Variants in IFT46 observed in about 807,000 individuals in gnomAD.
IFT46 encodes the protein intraflagellar transport protein 46 homolog.
IFT46 carries 19 observed loss-of-function variants against 39.6 expected under a neutral mutation model. That is an observed-to-expected ratio of 0.48 (90% CI 0.33 to 0.70). IFT46 has a LOEUF of 0.70. IFT46 is among the 30% of genes least tolerant of loss of function. The probability of loss-of-function intolerance (pLI) is 0.01; values close to 1 mark genes in which losing one functional copy is unlikely to be tolerated. For synonymous variants in IFT46, 117 were observed against 134.8 expected, an observed-to-expected ratio of 0.87 and a Z score of 0.91; for missense variants, 334 against 364.8, an observed-to-expected ratio of 0.92 and a Z score of 0.69.
At chr11:118,573,725 A>G (rs1555072908), upstream of IFT46, 1 of 693,534 alleles carries the variant, frequency 1.4e-6, no homozygotes, top group Admixed American at 2.1e-5. Flanking sequence ...AAGAACTTGG[A>G]TAATGGGGGG....
chr11:118,545,578 T>G, intron 10 of IFT46, 84 bp from the exon 11 acceptor site: 1 of 1,238,558 alleles, frequency 8.1e-7, no homozygotes, highest in East Asian at 2.3e-5. Flanking sequence ...GGCAAAGCCC[T>G]GGCAGATGGG....
chr11:118,574,365 A>T (rs1027716411), upstream of IFT46, among the ~76,000 whole-genome samples: 1 of 152,162 alleles, frequency 6.6e-6, no homozygotes, highest in Admixed American at 6.5e-5. Context: ...TTTTTATCTA[A>T]AAGTTGTATC....
chr11:118,574,267 C>T (rs2135527930), upstream of IFT46, among the ~76,000 whole-genome samples: 1 of 152,232 alleles, frequency 6.6e-6, no homozygotes, highest in South Asian at 2.1e-4. Context: ...AGTGTTAAGA[C>T]ATTGGTATGA....
chr11:118,555,361 A>C, intron 4 of IFT46, 39 bp from the exon 5 acceptor site: 1 of 1,528,482 alleles, frequency 6.5e-7, no homozygotes. Flanking sequence ...GTGGCCAGAG[A>C]AGAGCAGAGG....
intron 2 of IFT46, chr11:118,560,291 C>T (rs929325437): frequency 1.7e-5 from 3 of 178,810 alleles, no homozygotes; most frequent in Non-Finnish European, 3.5e-5. Context: ...TGATGCCATG[C>T]GCCTGTGGTC....
upstream of IFT46, among the ~76,000 whole-genome samples, chr11:118,575,624 T>C (rs1015882574): frequency 6.6e-6 from 1 of 152,218 alleles, no homozygotes; most frequent in Non-Finnish European, 1.5e-5. Flanking sequence ...CTGACAATTA[T>C]AGAAACTAGC....
At chr11:118,552,164 T>C (rs374431123) in intron 8 of IFT46, 50 bp downstream of exon 8, 47 of 1,604,152 alleles carry the variant, frequency 2.9e-5, no homozygotes, top group East Asian at 1.8e-4. Context: ...AGTTCACAGG[T>C]AGTGAAGGTT....
Position 118,556,910 on chromosome 11 carries a change from C to G in IFT46, c.181G>C (p.Glu61Gln), listed in dbSNP as rs1565348618. 1 of 1,598,490 alleles carries G rather than the reference C, an allele frequency of 6.3e-7. No individual in the cohort carries two copies. The highest frequency in any genetic ancestry group is 8.5e-7 in the Non-Finnish European group (1 of 1,171,574). ...GCTTGGGTGTTCTTTCCTCACCCTT[C>G]CAGAGGGGCTCCATGCTCTTCATCA... ...DDDEEHGAPL[E>Q]GAYDPADYEH... Residue 61 changes from glutamate (E) to glutamine (Q), a missense_variant, in exon 4 of 12, where the codon GAA becomes CAA. By Grantham distance (29) the Glu-to-Gln change is conservative (BLOSUM62 2). Coordinates refer to ENST00000264021, the MANE Select transcript of IFT46 (RefSeq NM_001168618.2).
At chr11:118,557,192 G>C in intron 3 of IFT46, 147 bp from the exon 4 acceptor site, 1 of 640,752 alleles carries the variant, frequency 1.6e-6, no homozygotes, top group Non-Finnish European at 2.4e-6. Context: ...GAAGGGGCTT[G>C]AGAGCCTTCT....
In IFT46 at chr11:118,561,520, T is replaced by A. The variant is rs1430271482; in HGVS notation, c.-35-1656A>T. The A allele has an allele frequency of 8.1e-6, 6 of 738,400 alleles. No individual in the cohort carries two copies. The Admixed American group carries it at 1.3e-4, about 16-fold the overall frequency. 45.7% of individuals were successfully genotyped at this position (738,400 alleles called of 1,614,324 possible). ...AAATGTCCCTTGCTCAGAAGAAACA[T>A]CAGGTAGCTTAAAAGAAGGCAAGCT... is the stretch of plus-strand genomic sequence containing the variant. On this transcript the variant is annotated intron_variant, in intron 2 of 11. Transcript: ENST00000264021.
Position 118,555,317 on chromosome 11 carries a change from T to G in IFT46, c.191A>C (p.Tyr64Ser). Reference sequence around the variant, plus strand: ...CAAATGCTCATAGTCTGCAGGGTCATAGGCCCTGGGAAAAGGAAAACAGTT... The same window carrying G: ...CAAATGCTCATAGTCTGCAGGGTCAGAGGCCCTGGGAAAAGGAAAACAGTT... ...EEHGAPLEGA[Y>S]DPADYEHLPV... Residue 64 changes from tyrosine to serine, a missense_variant, in exon 5 of 12, where the codon TAT (tyrosine) becomes TCT (serine). Coordinates refer to ENST00000264021, the MANE Select transcript of IFT46 (RefSeq NM_001168618.2). 6.2e-7 allele frequency: 1 copy of G among 1,613,740 alleles called. No individual in the cohort carries two copies. The highest frequency in any genetic ancestry group is 1.1e-5 in the South Asian group (1 of 91,062).
chr11:118,550,751 A>G (rs1014596926), intron 9 of IFT46, among the ~76,000 whole-genome samples: 41 of 152,320 alleles, frequency 2.7e-4, no homozygotes, highest in African/African-American at 9.4e-4. Flanking sequence ...TTTCTTGGCC[A>G]GGCGCGGTGG....
Position 118,544,942 on chromosome 11 carries a change from C to T in IFT46, c.889G>A (p.Asp297Asn). Residue 297 changes from aspartate to asparagine, a missense_variant, in exon 12 of 12, where the codon GAC becomes AAC. Transcript: ENST00000264021. ...PSSNSTSQAG[D>N]METLTFS Reference sequence around the variant, plus strand: ...CAGCTGAAGGTTAATGTCTCCATGTCTCCAGCTTGGGAGGTGGAATTGGAT... The same window carrying T: ...CAGCTGAAGGTTAATGTCTCCATGTTTCCAGCTTGGGAGGTGGAATTGGAT... 1.2e-6 allele frequency: 2 copies of T among 1,613,666 alleles called. No homozygotes were observed. The highest frequency in any genetic ancestry group is 1.7e-6 in the Non-Finnish European group (2 of 1,179,718).
intron 8 of IFT46, 145 bp downstream of exon 8, chr11:118,552,069 A>G: frequency 7.5e-6 from 8 of 1,067,410 alleles, no homozygotes; most frequent in Non-Finnish European, 1.1e-5. Context: ...TATGTCTACA[A>G]TCTCAGCCAG....
intron 8 of IFT46, 125 bp downstream of exon 8, chr11:118,552,089 G>C (rs1343608376): frequency 8.3e-7 from 1 of 1,207,188 alleles, no homozygotes; most frequent in Non-Finnish European, 1.2e-6. Context: ...GTAGTTGCCA[G>C]GATCCACAGG....
intron 10 of IFT46, 88 bp downstream of exon 10, chr11:118,545,705 A>G (rs1291730839): frequency 1.4e-6 from 2 of 1,392,264 alleles, no homozygotes; most frequent in African/African-American, 2.8e-5. Context: ...AACTCAAGAT[A>G]CTATCTTCCC....
Position 118,559,818 on chromosome 11 carries a change from G to GT in IFT46, c.11dup (p.Asn4LysfsTer4). 1.9e-6 allele frequency: 3 copies of GT among 1,613,358 alleles called. No individual in the cohort carries two copies. The highest frequency in any genetic ancestry group is 2.5e-6 in the Non-Finnish European group (3 of 1,179,326). On this transcript the variant is annotated frameshift_variant, in exon 3 of 12. Coordinates refer to ENST00000264021, the MANE Select transcript of IFT46 (RefSeq NM_001168618.2). LOFTEE classifies it high-confidence loss of function. Reference sequence around the variant, plus strand: ...TTTCCTCTTCACACTCATCACTGCTGTTATCAGCCATAGCCTTGTTAGGAA... The same window carrying GT: ...TTTCCTCTTCACACTCATCACTGCTGTTTATCAGCCATAGCCTTGTTAGGAA...
intron 7 of IFT46, among the ~76,000 whole-genome samples, chr11:118,553,863 A>G (rs914501792): frequency 2.6e-5 from 4 of 152,150 alleles, no homozygotes; most frequent in Non-Finnish European, 4.4e-5. Flanking sequence ...AGTGAATAGT[A>G]ATGGGTATGA....
intron 9 of IFT46, among the ~76,000 whole-genome samples, chr11:118,547,610 A>C (rs1021286476): frequency 6.6e-6 from 1 of 151,632 alleles, no homozygotes; most frequent in Non-Finnish European, 1.5e-5. Flanking sequence ...CAATAGAGAC[A>C]GGGGTCTCAC....
Sources: allele counts gnomAD v4.1 joint callset (sites outside exome capture counted in the v4.1 genomes callset), GRCh38; gene constraint gnomAD v4.1.1; transcripts MANE v1.5; gene names NCBI Gene and HGNC (gene_info 2026-07-23, HGNC 2026-07-21).